TMEM131: variants seen among roughly 807,000 people sequenced by gnomAD.
The protein encoded by TMEM131 is transmembrane protein 131.
TMEM131 carries 66 observed loss-of-function variants against 211.6 expected under a neutral mutation model. That is an observed-to-expected ratio of 0.31 (90% CI 0.26 to 0.38). TMEM131 has a LOEUF of 0.38. Among genes scored for constraint, TMEM131 ranks in the 10% least tolerant of loss-of-function variants. The pLI, the probability that TMEM131 is intolerant of heterozygous loss-of-function variation, is 1.00. For missense variants in TMEM131, 2,036 were observed against 2,299.3 expected, an observed-to-expected ratio of 0.89 and a Z score of 2.34; for synonymous variants, 844 against 841.3, an observed-to-expected ratio of 1.00 and a Z score of -0.06.
At chr2:97,989,673 A>G (rs1680179242) in intron 1 of TMEM131, among the ~76,000 whole-genome samples, 1 of 152,230 alleles carries the variant, frequency 6.6e-6, no homozygotes, top group Non-Finnish European at 1.5e-5. Context: ...CGTAGGTTTC[A>G]TACTCTATCA....
At chr2:97,971,374 G>T (rs112319953) in intron 1 of TMEM131, among the ~76,000 whole-genome samples, 1 of 152,032 alleles carries the variant, frequency 6.6e-6, no homozygotes, top group African/African-American at 2.4e-5. Context: ...AGGAAGGGGG[G>T]AAAATATACC....
chr2:97,977,655 C>T (rs1679601440), intron 1 of TMEM131, among the ~76,000 whole-genome samples: 1 of 152,168 alleles, frequency 6.6e-6, no homozygotes, highest in South Asian at 2.1e-4. Flanking sequence ...CTTAAAAATA[C>T]TTTATTGCTA....
At chr2:97,809,422 C>A (rs1186841502) in intron 19 of TMEM131, among the ~76,000 whole-genome samples, 3 of 152,194 alleles carry the variant, frequency 2.0e-5, no homozygotes, top group African/African-American at 7.2e-5. Flanking sequence ...ATTTCCCTCA[C>A]AGCACTTTAT....
At chr2:97,856,095 T>C (rs1285330559) in intron 5 of TMEM131, among the ~76,000 whole-genome samples, 1 of 152,156 alleles carries the variant, frequency 6.6e-6, no homozygotes, top group Non-Finnish European at 1.5e-5. Flanking sequence ...AAAGAAAACA[T>C]TTTTGTTTCC....
chr2:97,905,225 G>A (rs1676020439), intron 3 of TMEM131, among the ~76,000 whole-genome samples: 1 of 152,080 alleles, frequency 6.6e-6, no homozygotes, highest in Admixed American at 6.5e-5. Flanking sequence ...TGGAAGCAGT[G>A]TTTTAGATTA....
intron 1 of TMEM131, among the ~76,000 whole-genome samples, chr2:97,932,019 CATAAG>C (rs138446269): frequency 0.019 from 2,925 of 151,884 alleles, 92 homozygotes; most frequent in African/African-American, 0.067. Flanking sequence ...GTCTGAAAAA[CATAAG>C]ATAAGAAATT....
At chr2:97,764,865 C>A (rs1032574749) in intron 35 of TMEM131, 1 of 152,268 alleles carries the variant, frequency 6.6e-6, no homozygotes, top group Non-Finnish European at 1.5e-5. Context: ...CTGGCTGTCA[C>A]CTGCTCTCCC....
intron 19 of TMEM131, among the ~76,000 whole-genome samples, chr2:97,806,671 C>T (rs1267978919): frequency 2.6e-5 from 4 of 152,160 alleles, no homozygotes; most frequent in African/African-American, 2.4e-5. Flanking sequence ...AAATAATTTA[C>T]GTAATCCTCC....
intron 1 of TMEM131, among the ~76,000 whole-genome samples, chr2:97,981,443 A>G (rs1470072602): frequency 6.6e-6 from 1 of 152,172 alleles, no homozygotes; most frequent in African/African-American, 2.4e-5. Flanking sequence ...TTTGCATTCC[A>G]ACTAACAAGG....
At chr2:97,965,358 G>A (rs1481180628) in intron 1 of TMEM131, among the ~76,000 whole-genome samples, 1 of 152,160 alleles carries the variant, frequency 6.6e-6, no homozygotes, top group Non-Finnish European at 1.5e-5. Flanking sequence ...AAATTGGGTG[G>A]AGGCTGAGAG....
chr2:97,905,973 T>A (rs897193955), intron 3 of TMEM131, among the ~76,000 whole-genome samples: 10 of 152,202 alleles, frequency 6.6e-5, no homozygotes, highest in Non-Finnish European at 1.3e-4. Flanking sequence ...ATAAAGCATA[T>A]GTGTTGATGA....
At chr2:97,850,237 T>C (rs1315129357) in intron 5 of TMEM131, among the ~76,000 whole-genome samples, 1 of 151,996 alleles carries the variant, frequency 6.6e-6, no homozygotes, top group African/African-American at 2.4e-5. Flanking sequence ...AATGCAGACC[T>C]AACAGATCTT....
chr2:97,767,021 T>A (rs181300932), intron 33 of TMEM131, among the ~76,000 whole-genome samples: 2 of 152,262 alleles, frequency 1.3e-5, no homozygotes, highest in African/African-American at 4.8e-5. Flanking sequence ...AACATGAAGA[T>A]TTTGAAAGAT....
chr2:97,912,055 A>T, intron 2 of TMEM131, among the ~76,000 whole-genome samples: 1 of 152,180 alleles, frequency 6.6e-6, no homozygotes, highest in Admixed American at 6.6e-5. Context: ...AACAACTGGA[A>T]CCTAACTATA....
Position 97,812,531 on chromosome 2 carries a change from T to C in TMEM131, c.1753A>G (p.Ile585Val). 2.5e-6 allele frequency: 4 copies of C among 1,607,484 alleles called. No homozygotes were observed. The highest frequency in any genetic ancestry group is 3.4e-6 in the Non-Finnish European group (4 of 1,178,070). The change falls in exon 17 of 41, where the codon ATA becomes GTA. Residue 585 changes from isoleucine (I) to valine (V), a missense_variant. Ile to Val is a conservative substitution (Grantham distance 29, BLOSUM62 3). Coordinates refer to ENST00000186436, the MANE Select transcript of TMEM131 (RefSeq NM_015348.2). ...AGTTCTATTGATAAACCGTCTCCTA[T>C]GATATGCCAACTTTTTATAGCCAAC... is the stretch of plus-strand genomic sequence containing the variant. ...IELAIKSWHIIGDGLSIELVA... is the reference protein window; with the variant it reads ...IELAIKSWHIVGDGLSIELVA...
intron 25 of TMEM131, among the ~76,000 whole-genome samples, chr2:97,799,115 T>C (rs1294231193): frequency 3.3e-5 from 5 of 151,964 alleles, no homozygotes; most frequent in South Asian, 4.1e-4. Context: ...ATAATACCGA[T>C]AGACGTTATT....
chr2:97,847,142 T>C (rs900061069), intron 5 of TMEM131, among the ~76,000 whole-genome samples: 14 of 138,208 alleles, frequency 1.0e-4, no homozygotes, highest in African/African-American at 3.2e-4. Context: ...TGAGCAGAGA[T>C]TGCGCCACTG....
chr2:97,970,762 T>A (rs1205191485), intron 1 of TMEM131, among the ~76,000 whole-genome samples: 1 of 152,088 alleles, frequency 6.6e-6, no homozygotes, highest in African/African-American at 2.4e-5. Flanking sequence ...GGCCAACTTC[T>A]GGTGGTCTGC....
intron 27 of TMEM131, 140 bp downstream of exon 27, chr2:97,796,704 C>T (rs1573374757): frequency 1.1e-6 from 1 of 889,370 alleles, no homozygotes; most frequent in Non-Finnish European, 1.7e-6. Context: ...CTAAACACAA[C>T]ATGGAATTTC....
Sources: gnomAD v4.1 joint callset for allele counts (sites outside exome capture counted in the v4.1 genomes callset) on GRCh38, gnomAD v4.1.1 for gene constraint, MANE v1.5 for transcripts, NCBI Gene and HGNC (gene_info 2026-07-23, HGNC 2026-07-21) for gene names.